MYO16: variants seen among roughly 807,000 people sequenced by gnomAD.
The protein encoded by MYO16 is myosin XVI.
In MYO16, 94 loss-of-function variants were observed where a neutral mutation model predicts 205.3. The observed-to-expected ratio is 0.46, with a 90% CI of 0.39 to 0.54. The LOEUF is 0.54. Among genes scored for constraint, MYO16 ranks in the 20% least tolerant of loss-of-function variants. The pLI, the probability that MYO16 is intolerant of heterozygous loss-of-function variation, is 0.00. For synonymous variants in MYO16, 988 were observed against 954.0 expected, an observed-to-expected ratio of 1.04 and a Z score of -0.66; for missense variants, 2,315 against 2,387.5, an observed-to-expected ratio of 0.97 and a Z score of 0.63.
intron 23 of MYO16, among the ~76,000 whole-genome samples, chr13:109,036,672 A>G (rs1010855566): frequency 1.3e-5 from 2 of 152,222 alleles, no homozygotes; most frequent in African/African-American, 4.8e-5. Context: ...TTTTGAATAC[A>G]TGACAATTTC....
At chr13:108,988,196 G>C (rs1431557448) in intron 20 of MYO16, among the ~76,000 whole-genome samples, 1 of 152,176 alleles carries the variant, frequency 6.6e-6, no homozygotes, top group African/African-American at 2.4e-5. Context: ...TGGAATAGGA[G>C]TCAGATATCA....
At chr13:109,117,848 A>G (rs1410351535) in intron 28 of MYO16, among the ~76,000 whole-genome samples, 1 of 152,176 alleles carries the variant, frequency 6.6e-6, no homozygotes, top group Admixed American at 6.5e-5. Flanking sequence ...AAATTTCAAG[A>G]AATATTTTTT....
chr13:108,928,264 A>G (rs1381244423), intron 16 of MYO16, among the ~76,000 whole-genome samples: 1 of 152,224 alleles, frequency 6.6e-6, no homozygotes, highest in African/African-American at 2.4e-5. Flanking sequence ...GGCCAATGCA[A>G]GTGCCAGACG....
chr13:108,543,427 G>A, the MYO16 span, among the ~76,000 whole-genome samples: 1 of 151,610 alleles, frequency 6.6e-6, no homozygotes, highest in Non-Finnish European at 1.5e-5. Context: ...GATGGATCAC[G>A]AGGTTGGGAG....
In MYO16 at chr13:108,898,048, C is replaced by G. The variant is rs142067137; in HGVS notation, c.1692C>G (p.Ala564=). ...VVCILEAFGH[A]KTTLNDLSSC... Reference sequence around the variant, plus strand: ...GCATCTTAGAAGCCTTTGGACATGCCAAGACCACACTTAATGATTTGTCCA... The same window carrying G: ...GCATCTTAGAAGCCTTTGGACATGCGAAGACCACACTTAATGATTTGTCCA... Residue 564 remains alanine, a synonymous_variant, in exon 15 of 35, where the codon GCC becomes GCG. Transcript: ENST00000457511. 4.4e-4 allele frequency: 709 copies of G among 1,613,858 alleles called. No individual in the cohort carries two copies. The highest frequency in any genetic ancestry group is 5.9e-4 in the Non-Finnish European group (691 of 1,179,914).
At chr13:108,910,588 G>A (rs1337933) in intron 16 of MYO16, among the ~76,000 whole-genome samples, 31,878 of 152,098 alleles carry the variant, frequency 0.21, 4,016 homozygotes, top group East Asian at 0.67. Flanking sequence ...CTTTAATGGA[G>A]GCAGAAAGCA....
the MYO16 span, among the ~76,000 whole-genome samples, chr13:108,547,792 G>C: frequency 6.6e-6 from 1 of 152,178 alleles, no homozygotes; most frequent in Non-Finnish European, 1.5e-5. Flanking sequence ...TTGCCTAATA[G>C]TATGTAAATA....
intron 28 of MYO16, among the ~76,000 whole-genome samples, chr13:109,112,130 G>A (rs1003877195): frequency 6.6e-6 from 1 of 152,150 alleles, no homozygotes; most frequent in Non-Finnish European, 1.5e-5. Flanking sequence ...TCTGCTTCAG[G>A]AGAGTATACG....
At chr13:108,634,905 A>C (rs564593977) in intron 1 of MYO16, among the ~76,000 whole-genome samples, 152 of 152,290 alleles carry the variant, frequency 1.0e-3, no homozygotes, top group African/African-American at 3.6e-3. Context: ...TTTAGCCCAG[A>C]TGTCCCCTTA....
intron 4 of MYO16, among the ~76,000 whole-genome samples, chr13:108,728,911 A>T (rs1441194178): frequency 1.3e-5 from 2 of 151,922 alleles, no homozygotes; most frequent in Non-Finnish European, 2.9e-5. Context: ...GTATATTGGG[A>T]CTGTCTTAAT....
intron 27 of MYO16, among the ~76,000 whole-genome samples, chr13:109,057,628 G>A (rs750506285): frequency 9.1e-4 from 139 of 152,192 alleles, no homozygotes; most frequent in Non-Finnish European, 1.8e-3. Flanking sequence ...CAGAGATGCC[G>A]AACCTGTTAA....
At chr13:108,551,407 G>C in the MYO16 span, among the ~76,000 whole-genome samples, 1 of 152,102 alleles carries the variant, frequency 6.6e-6, no homozygotes, top group African/African-American at 2.4e-5. Context: ...ATCTCTCTAA[G>C]CCTCATCTTT....
At chr13:108,872,250 C>T (rs1028468387) in intron 12 of MYO16, among the ~76,000 whole-genome samples, 16 of 152,160 alleles carry the variant, frequency 1.1e-4, no homozygotes, top group African/African-American at 3.4e-4. Flanking sequence ...TTGAATGAAA[C>T]GTTAAAAAAT....
chr13:108,867,209 A>C (rs1050142076), intron 12 of MYO16, among the ~76,000 whole-genome samples: 1 of 151,746 alleles, frequency 6.6e-6, no homozygotes, highest in Non-Finnish European at 1.5e-5. Context: ...AAAACAAAAC[A>C]AAAACAATTA....
chr13:108,620,000 T>C (rs193247941), intron 1 of MYO16, among the ~76,000 whole-genome samples: 6 of 152,178 alleles, frequency 3.9e-5, no homozygotes, highest in African/African-American at 1.4e-4. Context: ...TGGTGGACTC[T>C]GTAGCCTGAA....
chr13:108,620,492 G>A (rs1879500121), intron 1 of MYO16, among the ~76,000 whole-genome samples: 1 of 152,158 alleles, frequency 6.6e-6, no homozygotes. Context: ...TTCTCTTGAT[G>A]CAAAGTCTGT....
Position 108,660,724 on chromosome 13 carries a change from C to T in MYO16, c.29-5162C>T, listed in dbSNP as rs118035797. ...GATAGCTGGTTGGTGAGTTATTCTA[C>T]ATTCTGTAGTTCTGTGTCTTTTAAG... On this transcript the variant is annotated intron_variant, in intron 1 of 34. Coordinates refer to ENST00000457511, the MANE Select transcript of MYO16 (RefSeq NM_001198950.3). 5.7e-3 allele frequency among the ~76,000 whole-genome samples: 868 copies of T among 152,286 alleles called. 8 individuals carry two copies. The highest frequency in any genetic ancestry group is 0.022 in the Admixed American group (336 of 15,304).
At position 108,609,254 on chromosome 13, in the gene MYO16, TG is replaced by T. The variant is rs1879081975; in HGVS notation, c.-39+13019del. ...CTTCTTATTCTGTATCACACACAGC[TG>T]GGGCTGCAGGCTTTGCACTGGGGAG... On this transcript the variant is annotated intron_variant, in intron 1 of 24. Coordinates refer to the MYO16 transcript ENST00000251041. Among the ~76,000 whole-genome samples, 2 of 152,124 alleles carry T rather than the reference TG, an allele frequency of 1.3e-5. 1 individual carries two copies. The highest frequency in any genetic ancestry group is 4.1e-4 in the South Asian group (2 of 4,828).
chr13:108,629,039 C>T (rs1879856045), upstream of MYO16, among the ~76,000 whole-genome samples: 1 of 152,174 alleles, frequency 6.6e-6, no homozygotes, highest in Admixed American at 6.5e-5. Flanking sequence ...CCAATTCAGT[C>T]AGATTTACTT....
Sources: allele counts gnomAD v4.1 joint callset (sites outside exome capture counted in the v4.1 genomes callset), GRCh38; gene constraint gnomAD v4.1.1; transcripts MANE v1.5; gene names NCBI Gene and HGNC (gene_info 2026-07-23, HGNC 2026-07-21).